The following MBD5 variants were observed in gnomAD, a reference collection of about 807,000 sequenced individuals.
The protein encoded by MBD5 is methyl-CpG binding domain protein 5.
A neutral mutation model predicts 117.3 loss-of-function variants in MBD5; 13 were observed. The observed-to-expected ratio is 0.11, with a 90% CI of 0.07 to 0.18. The LOEUF (loss-of-function observed/expected upper bound fraction) is 0.18, where lower values mean the gene tolerates loss of function less well. Ranked by LOEUF, MBD5 falls within the 10% of genes least tolerant of loss-of-function variation. MBD5 has a pLI of 1.00. For missense variants in MBD5, 1,879 were observed against 2,093.8 expected (o/e 0.90, Z 2.00); for synonymous variants, 727 against 766.4 (o/e 0.95, Z 0.85).
chr2:148,155,378 T>C (rs966804564), intron 1 of MBD5, among the ~76,000 whole-genome samples: 1 of 152,182 alleles, frequency 6.6e-6, no homozygotes, highest in Non-Finnish European at 1.5e-5. Flanking sequence ...GTGCCTGGCT[T>C]CAGCGATAGG....
intron 1 of MBD5, among the ~76,000 whole-genome samples, chr2:148,107,950 T>G (rs1405164171): frequency 2.6e-5 from 4 of 152,186 alleles, no homozygotes; most frequent in Non-Finnish European, 4.4e-5. Flanking sequence ...ACTATTAATG[T>G]AGGATCACTT....
intron 1 of MBD5, chr2:148,056,269 A>C (rs1694861241): frequency 6.6e-6 from 1 of 152,144 alleles, no homozygotes; most frequent in Non-Finnish European, 1.5e-5. Flanking sequence ...TATTTTTAAA[A>C]GAGATGATCA....
chr2:148,229,833 T>C (rs149741275), intron 2 of MBD5, among the ~76,000 whole-genome samples: 48 of 152,290 alleles, frequency 3.2e-4, no homozygotes, highest in South Asian at 6.2e-4. Context: ...TCTTGTTCTC[T>C]TTCCTCACGT....
intron 1 of MBD5, among the ~76,000 whole-genome samples, chr2:148,083,366 T>C (rs1338169931): frequency 1.3e-5 from 2 of 152,184 alleles, no homozygotes; most frequent in Non-Finnish European, 2.9e-5. Flanking sequence ...GATTACAGTT[T>C]AGCGTTATTT....
At position 148,143,870 on chromosome 2, in the gene MBD5, G is replaced by T. The variant is rs534004441; in HGVS notation, c.-924-34830G>T. 4.0e-3 allele frequency among the ~76,000 whole-genome samples: 602 copies of T among 152,034 alleles called. 4 individuals carry two copies. Among genetic ancestry groups the T allele is most frequent in the African/African-American group, 0.014 (564 of 41,462 alleles). On this transcript the variant is annotated intron_variant, in intron 1 of 13. Coordinates refer to ENST00000642680, the MANE Select transcript of MBD5 (RefSeq NM_001378120.1). The stretch of plus-strand genomic sequence containing the variant: ...TCTATCATTGATGGACATTTGGGTT[G>T]GTTCCAAGTCTTTGCTATTGTGAAT...
intron 3 of MBD5, among the ~76,000 whole-genome samples, chr2:148,284,892 A>G (rs753474867): frequency 1.3e-5 from 2 of 152,222 alleles, no homozygotes; most frequent in Admixed American, 1.3e-4. Context: ...GTTGCTCTCC[A>G]TAAAGGTTGT....
At chr2:148,494,558 T>C (rs530821376) in intron 11 of MBD5, among the ~76,000 whole-genome samples, 5 of 152,348 alleles carry the variant, frequency 3.3e-5, no homozygotes, top group African/African-American at 1.2e-4. Flanking sequence ...TTTCCTAAGA[T>C]TGAAGCTATG....
chr2:148,311,887 T>C (rs1393660961), intron 3 of MBD5, among the ~76,000 whole-genome samples: 1 of 152,234 alleles, frequency 6.6e-6, no homozygotes, highest in Non-Finnish European at 1.5e-5. Context: ...GTAAAGTATT[T>C]TGTTTCTCCT....
intron 4 of MBD5, among the ~76,000 whole-genome samples, chr2:148,411,937 C>T (rs952726913): frequency 7.2e-5 from 11 of 151,798 alleles, no homozygotes; most frequent in East Asian, 1.9e-4. Context: ...ATGTCTAGAA[C>T]GATATTTCCA....
chr2:148,324,896 A>C lies in MBD5; in HGVS notation c.-679-17318A>C, dbSNP rs543888793. 4.2e-3 allele frequency among the ~76,000 whole-genome samples: 641 copies of C among 152,130 alleles called. 6 individuals are homozygous for C. The highest frequency in any genetic ancestry group is 0.014 in the African/African-American group (585 of 41,520). On this transcript the variant is annotated intron_variant, in intron 3 of 13. Transcript: ENST00000642680. The stretch of plus-strand genomic sequence containing the variant: ...GTTGAATAGGAGTGGTGAGAGAGGG[A>C]ATCCCTGTCTTGTGCCTGTTTTCAA...
chr2:148,267,952 C>CTT (rs764230358), intron 3 of MBD5, among the ~76,000 whole-genome samples: 16,063 of 127,148 alleles, frequency 0.13, 1,208 homozygotes, highest in Non-Finnish European at 0.19. Flanking sequence ...TCTTTTTTTT[C>CTT]TTTTTTTTTT....
At chr2:148,180,358 ATATG>A (rs1372476721) in intron 2 of MBD5, among the ~76,000 whole-genome samples, 3 of 118,902 alleles carry the variant, frequency 2.5e-5, no homozygotes, top group Non-Finnish European at 5.7e-5. Context: ...ATATATATAT[ATATG>A]TATATATGTA....
intron 3 of MBD5, among the ~76,000 whole-genome samples, chr2:148,323,286 A>T (rs1317551100): frequency 6.6e-6 from 1 of 152,144 alleles, no homozygotes; most frequent in Non-Finnish European, 1.5e-5. Flanking sequence ...TGCTATTCTG[A>T]ATAATGCTGC....
chr2:148,380,773 T>A (rs1035059374), intron 4 of MBD5, among the ~76,000 whole-genome samples: 1 of 152,108 alleles, frequency 6.6e-6, no homozygotes, highest in African/African-American at 2.4e-5. Flanking sequence ...GAGACAAAAC[T>A]TCCAGAGGAA....
chr2:148,110,195 A>C (rs190849962), intron 1 of MBD5, among the ~76,000 whole-genome samples: 72 of 152,308 alleles, frequency 4.7e-4, no homozygotes, highest in Non-Finnish European at 8.5e-4. Context: ...TTAGCCTCTT[A>C]TTAAAAATGG....
intron 3 of MBD5, among the ~76,000 whole-genome samples, chr2:148,291,675 T>C (rs1701504020): frequency 1.3e-5 from 2 of 152,082 alleles, no homozygotes; most frequent in African/African-American, 2.4e-5. Flanking sequence ...GTAATGCCTA[T>C]CAAAATACCA....
Position 148,309,714 on chromosome 2 carries a change from G to C in MBD5, c.-679-32500G>C, listed in dbSNP as rs546469136. ...AAATTCCTGAATAGGAATGGAGAGAGAGGGCATGGTTCTCTTGTGCCAGTT... is the reference window on the plus strand; with the variant it reads ...AAATTCCTGAATAGGAATGGAGAGACAGGGCATGGTTCTCTTGTGCCAGTT... On this transcript the variant is annotated intron_variant, in intron 3 of 13. Transcript: ENST00000642680. 3.3e-5 allele frequency among the ~76,000 whole-genome samples: 5 copies of C among 152,270 alleles called. No homozygotes were observed. The South Asian group carries it at 1.0e-3, about 32-fold the overall frequency.
intron 3 of MBD5, among the ~76,000 whole-genome samples, chr2:148,317,180 C>A (rs901328291): frequency 7.9e-5 from 12 of 152,062 alleles, no homozygotes; most frequent in Admixed American, 2.6e-4. Flanking sequence ...GAAACCCTGT[C>A]TCTACTAAAA....
At chr2:148,238,913 C>A (rs1053766596) in intron 3 of MBD5, among the ~76,000 whole-genome samples, 2 of 151,890 alleles carry the variant, frequency 1.3e-5, no homozygotes, top group Non-Finnish European at 1.5e-5. Context: ...GACTATATTT[C>A]CAAATAAGTT....
Sources: allele counts gnomAD v4.1 joint callset (sites outside exome capture counted in the v4.1 genomes callset), GRCh38; gene constraint gnomAD v4.1.1; transcripts MANE v1.5; gene names NCBI Gene and HGNC (gene_info 2026-07-23, HGNC 2026-07-21).